Variants in SLC27A2 observed in about 807,000 individuals in gnomAD.
SLC27A2 encodes solute carrier family 27 member 2.
In SLC27A2, 54 loss-of-function variants were observed where a neutral mutation model predicts 60.0. That is an observed-to-expected ratio of 0.90 (90% CI 0.72 to 1.13). The LOEUF is 1.13. SLC27A2 is among the 50% of genes most tolerant of loss of function. The pLI is 0.00. For synonymous variants in SLC27A2, 297 were observed against 297.6 expected (o/e 1.00, Z 0.02); for missense variants, 739 against 777.6 (o/e 0.95, Z 0.59).
At chr15:50,226,508 G>A (rs1023265463) in intron 6 of SLC27A2, among the ~76,000 whole-genome samples, 2 of 152,174 alleles carry the variant, frequency 1.3e-5, no homozygotes, top group Non-Finnish European at 2.9e-5. Context: ...GAGGAAGGCT[G>A]ATCATTTGAG....
In SLC27A2 at chr15:50,236,380, A is replaced by G. The variant is rs985073492; in HGVS notation, c.*284A>G. Reference sequence around the variant, plus strand: ...CTTAGTAAATTAAATGAACACCAACATGTGAGATGGCACTGTCTCTGTGTT... The same window carrying G: ...CTTAGTAAATTAAATGAACACCAACGTGTGAGATGGCACTGTCTCTGTGTT... On this transcript the variant is annotated 3_prime_UTR_variant, in exon 10 of 10. Transcript: ENST00000267842. 12 of 265,664 alleles carry G rather than the reference A, an allele frequency of 4.5e-5. No homozygotes were observed. Among genetic ancestry groups the G allele is most frequent in the African/African-American group, 2.7e-4 (12 of 45,206 alleles). 16.5% of individuals were successfully genotyped at this position (265,664 alleles called of 1,614,324 possible).
chr15:50,204,584 T>A (rs1273951031), intron 3 of SLC27A2, among the ~76,000 whole-genome samples: 4 of 151,166 alleles, frequency 2.6e-5, no homozygotes, highest in Non-Finnish European at 4.4e-5. Flanking sequence ...ATACAAAAAA[T>A]TTGCCAGGTG....
At chr15:50,222,912 G>A (rs2045253247) in intron 4 of SLC27A2, 53 bp from the exon 5 acceptor site, 2 of 1,368,078 alleles carry the variant, frequency 1.5e-6, no homozygotes, top group Admixed American at 2.2e-5. Flanking sequence ...TAATATGTAA[G>A]CATAGGCTCC....
At chr15:50,202,424 C>T in intron 2 of SLC27A2, 63 bp from the exon 3 acceptor site, 1 of 1,541,466 alleles carries the variant, frequency 6.5e-7, no homozygotes, top group East Asian at 2.3e-5. Context: ...AGCCAGATCT[C>T]TCTCCTACAC....
chr15:50,194,312 G>A (rs1230940972), intron 1 of SLC27A2, among the ~76,000 whole-genome samples: 1 of 152,154 alleles, frequency 6.6e-6, no homozygotes, highest in East Asian at 1.9e-4. Context: ...AGGATAAGCA[G>A]GAGTTTTCCA....
At position 50,217,612 on chromosome 15, in the gene SLC27A2, G is replaced by C. The variant is rs2045208870; in HGVS notation, c.973-5353G>C. Among the ~76,000 whole-genome samples, 7 of 152,274 alleles carry C rather than the reference G, an allele frequency of 4.6e-5. No homozygotes were observed. The South Asian group carries it at 1.4e-3, about 32-fold the overall frequency. ...GTCAACCAGCAGTGCAGCCCAGCTA[G>C]CAGTAGCCCCCTCACCCTGCCCCCA... is the stretch of plus-strand genomic sequence containing the variant. On this transcript the variant is annotated intron_variant, in intron 4 of 9. Coordinates refer to ENST00000267842, the MANE Select transcript of SLC27A2 (RefSeq NM_003645.4).
At chr15:50,186,036 G>A (rs1219978653) in intron 1 of SLC27A2, among the ~76,000 whole-genome samples, 3 of 151,232 alleles carry the variant, frequency 2.0e-5, no homozygotes, top group Non-Finnish European at 4.4e-5. Flanking sequence ...CCAGAAGTTC[G>A]AGACTAGCCT....
At chr15:50,230,954 G>A (rs2045312769) in intron 8 of SLC27A2, among the ~76,000 whole-genome samples, 2 of 152,150 alleles carry the variant, frequency 1.3e-5, no homozygotes, top group South Asian at 2.1e-4. Context: ...TAATTTCTCA[G>A]GCCCACCCCG....
chr15:50,204,181 T>C (rs1247306885), intron 3 of SLC27A2, among the ~76,000 whole-genome samples: 5 of 152,180 alleles, frequency 3.3e-5, no homozygotes, highest in Admixed American at 3.3e-4. Context: ...ATTGCATGAA[T>C]GGGCCAGGCA....
chr15:50,234,033 C>T, intron 9 of SLC27A2, 35 bp downstream of exon 9: 1 of 1,539,554 alleles, frequency 6.5e-7, no homozygotes, highest in Non-Finnish European at 8.8e-7. Context: ...AATGATCTGT[C>T]CTCTTGGAGA....
chr15:50,202,445 C>T (rs777710093), intron 2 of SLC27A2, 42 bp from the exon 3 acceptor site: 248 of 1,605,622 alleles, frequency 1.5e-4, no homozygotes, highest in Non-Finnish European at 2.1e-4. Context: ...TGTAAATGCC[C>T]AATCTTGGTT....
intron 5 of SLC27A2, among the ~76,000 whole-genome samples, chr15:50,225,173 ATTGT>A (rs776842062): frequency 8.5e-5 from 13 of 152,190 alleles, no homozygotes; most frequent in Non-Finnish European, 1.5e-4. Flanking sequence ...AAAGCATATG[ATTGT>A]TTGCTTCATC....
intron 7 of SLC27A2, 143 bp from the exon 8 acceptor site, chr15:50,228,802 C>A: frequency 1.6e-6 from 1 of 635,930 alleles, no homozygotes; most frequent in East Asian, 2.7e-5. Flanking sequence ...CCGGCCAGGA[C>A]TAAGTTGGGG....
In SLC27A2 at chr15:50,182,879, G is replaced by C. The variant is rs779205777; in HGVS notation, c.452G>C (p.Gly151Ala). 1 of 1,610,444 alleles carries C rather than the reference G, an allele frequency of 6.2e-7. No individual in the cohort carries two copies. The highest frequency in any genetic ancestry group is 1.7e-5 in the Admixed American group (1 of 59,954). ...KSLLHCFQCC[G>A]AKVLLVSPEL... ...CTGCTGCACTGCTTCCAGTGCTGCG[G>C]GGCGAAGGTGCTGCTGGTGTCGCCA... Residue 151 changes from glycine to alanine, a missense_variant, in exon 1 of 10, where the codon GGG becomes GCG. Transcript: ENST00000267842.
At chr15:50,231,592 C>T (rs1055050580) in intron 8 of SLC27A2, among the ~76,000 whole-genome samples, 1 of 152,168 alleles carries the variant, frequency 6.6e-6, no homozygotes, top group Admixed American at 6.5e-5. Context: ...TCAGAACCAT[C>T]TGGGAAACTT....
intron 8 of SLC27A2, among the ~76,000 whole-genome samples, chr15:50,231,141 CTTT>C (rs34060039): frequency 0.031 from 3,920 of 128,512 alleles, 63 homozygotes; most frequent in African/African-American, 0.049. Context: ...GAATTGTACA[CTTT>C]TTTTTTTTTT....
intron 1 of SLC27A2, among the ~76,000 whole-genome samples, chr15:50,185,991 A>G (rs1327277456): frequency 1.3e-5 from 2 of 151,856 alleles, no homozygotes; most frequent in African/African-American, 4.8e-5. Flanking sequence ...TAATCCTAGC[A>G]CTTTGGGAAG....
rs2140899939 is a variant in SLC27A2, at chr15:50,197,616, G to A, written c.595G>A (p.Asp199Asn). The A allele has an allele frequency of 6.2e-7, 1 of 1,614,066 alleles. No homozygotes were observed. Among genetic ancestry groups the A allele is most frequent in the East Asian group, 2.2e-5 (1 of 44,860 alleles). The change falls in exon 2 of 10, where the codon GAT becomes AAT. Residue 199 changes from aspartate (D) to asparagine (N), a missense_variant. Physicochemically the swap from Asp to Asn is conservative, Grantham distance 23. Coordinates refer to ENST00000267842, the MANE Select transcript of SLC27A2 (RefSeq NM_003645.4). ...GATTGACTCTTTCCTGGACAAAGTG[G>A]ATGAAGTATCAACTGAACCTATCCC... ...DGIDSFLDKV[D>N]EVSTEPIPES...
chr15:50,188,866 ACAAGAAT>A (rs1156399004), intron 1 of SLC27A2, among the ~76,000 whole-genome samples: 2 of 152,182 alleles, frequency 1.3e-5, no homozygotes, highest in Non-Finnish European at 2.9e-5. Context: ...AGGCTGAGGC[ACAAGAAT>A]CACTTGAACC....
Sources: gnomAD v4.1 joint callset for allele counts (sites outside exome capture counted in the v4.1 genomes callset) on GRCh38, gnomAD v4.1.1 for gene constraint, MANE v1.5 for transcripts, NCBI Gene and HGNC (gene_info 2026-07-23, HGNC 2026-07-21) for gene names.